ZNF189: variants seen among roughly 807,000 people sequenced by gnomAD.
ZNF189 encodes the protein zinc finger protein 189.
A neutral mutation model predicts 53.5 loss-of-function variants in ZNF189; 33 were observed. That is an observed-to-expected ratio of 0.62 (90% CI 0.47 to 0.82). The LOEUF (loss-of-function observed/expected upper bound fraction) is 0.82. Ranked by LOEUF, ZNF189 falls within the 40% of genes least tolerant of loss-of-function variation. ZNF189 has a pLI of 0.00. For synonymous variants in ZNF189, 247 were observed against 238.8 expected, an observed-to-expected ratio of 1.03 and a Z score of -0.32; for missense variants, 711 against 753.9, an observed-to-expected ratio of 0.94 and a Z score of 0.67.
At chr9:101,399,790 A>C in intron 1 of ZNF189, 94 bp from the exon 2 acceptor site, 1 of 1,573,184 alleles carries the variant, frequency 6.4e-7, no homozygotes, top group Admixed American at 1.9e-5. Flanking sequence ...CTCCTAGCCT[A>C]CTTGGCCACA....
chr9:101,399,732 T>G, intron 1 of ZNF189, 152 bp from the exon 2 acceptor site: 1 of 1,330,824 alleles, frequency 7.5e-7, no homozygotes, highest in Non-Finnish European at 1.0e-6. Flanking sequence ...TCAGTTACAG[T>G]TCGTTCCCAG....
At chr9:101,407,792 C>T in intron 2 of ZNF189, 137 bp from the exon 3 acceptor site, 2 of 856,348 alleles carry the variant, frequency 2.3e-6, no homozygotes, top group African/African-American at 3.5e-5. Flanking sequence ...AGTTTTTTTT[C>T]ATCCTACCCT....
In ZNF189 at chr9:101,408,203, G is replaced by T. The variant is rs753951390; in HGVS notation, c.435G>T (p.Glu145Asp). 3 of 1,614,138 alleles carry T rather than the reference G, an allele frequency of 1.9e-6. No individual in the cohort carries two copies. In the South Asian group the frequency reaches 3.3e-5, roughly 18 times the overall value. The change falls in exon 3 of 3, where the codon GAG becomes GAT. Residue 145 changes from glutamate to aspartate, a missense_variant. Transcript: ENST00000339664. Reference protein sequence around the residue: ...NIIRKRPNSEEKCHKCEECGK... With the variant: ...NIIRKRPNSEDKCHKCEECGK... ...TCCGTAAAAGACCAAACTCAGAAGA[G>T]AAATGCCATAAATGTGAAGAATGTG...
At chr9:101,406,116 G>A (rs1324910359) in intron 2 of ZNF189, among the ~76,000 whole-genome samples, 1 of 151,746 alleles carries the variant, frequency 6.6e-6, no homozygotes, top group Non-Finnish European at 1.5e-5. Flanking sequence ...CTAATGAGAA[G>A]TTTCTCTAGA....
intron 1 of ZNF189, 176 bp downstream of exon 1, chr9:101,399,365 C>T (rs1330064260): frequency 7.2e-6 from 10 of 1,383,774 alleles, no homozygotes; most frequent in Non-Finnish European, 9.3e-6. Context: ...AAACTGCCCA[C>T]TGGCTCCCTT....
rs368122226 is a variant in ZNF189 at position 101,409,219 on chromosome 9, A to T, written c.1451A>T (p.Tyr484Phe). Residue 484 changes from tyrosine (Y) to phenylalanine (F), a missense_variant, in exon 3 of 3, where the codon TAT becomes TTT. Physicochemically the swap from Tyr to Phe is conservative, Grantham distance 22. Coordinates refer to ENST00000339664, the MANE Select transcript of ZNF189 (RefSeq NM_003452.4). ...AGAATCCACACTGGTGAAAAGCCCTATCTATGTACTGTCTGTGGGAAAAGC... is the reference window on the plus strand; with the variant it reads ...AGAATCCACACTGGTGAAAAGCCCTTTCTATGTACTGTCTGTGGGAAAAGC... Reference protein sequence around the residue: ...HQRIHTGEKPYLCTVCGKSFS... With the variant: ...HQRIHTGEKPFLCTVCGKSFS... 4.3e-6 allele frequency: 7 copies of T among 1,613,146 alleles called. No homozygotes were observed. The Admixed American group carries it at 8.3e-5, about 19-fold the overall frequency.
At chr9:101,399,245 C>T in intron 1 of ZNF189, 56 bp downstream of exon 1, 1 of 1,478,504 alleles carries the variant, frequency 6.8e-7, no homozygotes, top group Non-Finnish European at 9.3e-7. Flanking sequence ...CCAGCTAGGC[C>T]GCACCACTGC....
At chr9:101,399,443 C>CT (rs1159770017) in intron 1 of ZNF189, 2 of 1,340,748 alleles carry the variant, frequency 1.5e-6, no homozygotes, top group Admixed American at 7.5e-5. Flanking sequence ...TCCAGACTAG[C>CT]TCTCTCATTT....
chr9:101,401,259 C>T (rs760699047), intron 2 of ZNF189, among the ~76,000 whole-genome samples: 15 of 151,906 alleles, frequency 9.9e-5, no homozygotes, highest in Non-Finnish European at 2.2e-4. Context: ...GCTCACTGCC[C>T]TGTTCTTTTT....
chr9:101,401,792 T>C (rs1166801019), intron 2 of ZNF189, among the ~76,000 whole-genome samples: 3 of 152,250 alleles, frequency 2.0e-5, no homozygotes, highest in African/African-American at 7.2e-5. Context: ...TCTCTATGAA[T>C]ATGTGAAACT....
chr9:101,400,867 C>A (rs1026922019), intron 2 of ZNF189, among the ~76,000 whole-genome samples: 2 of 152,200 alleles, frequency 1.3e-5, no homozygotes, highest in East Asian at 3.9e-4. Flanking sequence ...AACAGACAGG[C>A]TTTCTCCCCT....
At chr9:101,405,341 G>A (rs756941253) in intron 2 of ZNF189, among the ~76,000 whole-genome samples, 7 of 152,180 alleles carry the variant, frequency 4.6e-5, no homozygotes, top group Non-Finnish European at 8.8e-5. Context: ...GATTGTGAGG[G>A]ATGAAAGATA....
chr9:101,408,016 T>A lies in ZNF189; in HGVS notation c.248T>A (p.Ile83Lys). 6.2e-7 allele frequency: 1 copy of A among 1,613,464 alleles called. No homozygotes were observed. The highest frequency in any genetic ancestry group is 1.3e-5 in the African/African-American group (1 of 74,986). Residue 83 changes from isoleucine to lysine, a missense_variant, in exon 3 of 3, where the codon ATA becomes AAA. By Grantham distance (102) the Ile-to-Lys change is moderately radical. Transcript: ENST00000339664. The stretch of plus-strand genomic sequence containing the variant: ...GAAGAAGTGGAACCACAGGGTGTAA[T>A]AGTTACAAGAATCAAAAGTGAAATT... ...IEEEVEPQGV[I>K]VTRIKSEIDQ...
Position 101,408,629 on chromosome 9 carries a change from T to G in ZNF189, c.861T>G (p.Pro287=). The change falls in exon 3 of 3, where the codon CCT becomes CCG. Residue 287 remains proline, a synonymous_variant. Transcript: ENST00000339664. The part of the protein sequence containing the change: ...EHQRTHTGEK[P]YHCTKCKKSF... ...AAAGAACTCACACTGGTGAGAAACC[T>G]TATCACTGTACCAAATGTAAGAAGA... 1 of 1,613,910 alleles carries G rather than the reference T, an allele frequency of 6.2e-7. No individual in the cohort carries two copies. Among genetic ancestry groups the G allele is most frequent in the Non-Finnish European group, 8.5e-7 (1 of 1,179,980 alleles).
chr9:101,399,394 G>C (rs915478773), intron 1 of ZNF189: 3 of 1,375,856 alleles, frequency 2.2e-6, no homozygotes, highest in Non-Finnish European at 2.8e-6. Flanking sequence ...TCTTTTTCTA[G>C]AGAGACTTGA....
rs531485583 is a variant in ZNF189, at chr9:101,409,223, A to G, written c.1455A>G (p.Leu485=). The part of the protein sequence containing the change: ...QRIHTGEKPY[L]CTVCGKSFSR... ...TCCACACTGGTGAAAAGCCCTATCT[A>G]TGTACTGTCTGTGGGAAAAGCTTCA... Residue 485 remains leucine, a synonymous_variant, in exon 3 of 3, where the codon CTA becomes CTG. Coordinates refer to ENST00000339664, the MANE Select transcript of ZNF189 (RefSeq NM_003452.4). 4.3e-6 allele frequency: 7 copies of G among 1,613,168 alleles called. No homozygotes were observed. Among genetic ancestry groups the G allele is most frequent in the African/African-American group, 4.0e-5 (3 of 74,946 alleles).
At chr9:101,400,370 C>T (rs1034816560) in intron 2 of ZNF189, among the ~76,000 whole-genome samples, 12 of 152,114 alleles carry the variant, frequency 7.9e-5, no homozygotes, top group Non-Finnish European at 1.5e-4. Context: ...TGGCACTATC[C>T]CAAGGACAAC....
chr9:101,405,182 G>C (rs987710621), intron 2 of ZNF189, among the ~76,000 whole-genome samples: 1 of 152,120 alleles, frequency 6.6e-6, no homozygotes, highest in Non-Finnish European at 1.5e-5. Context: ...AGCTTGATTC[G>C]ATCTTAAAGG....
intron 2 of ZNF189, among the ~76,000 whole-genome samples, 191 bp downstream of exon 2, chr9:101,400,201 C>A (rs1436077842): frequency 1.3e-5 from 2 of 152,198 alleles, no homozygotes; most frequent in Admixed American, 1.3e-4. Context: ...GCAAGCCTTT[C>A]GGGCATCCTG....
Sources: allele counts gnomAD v4.1 joint callset (sites outside exome capture counted in the v4.1 genomes callset), GRCh38; gene constraint gnomAD v4.1.1; transcripts MANE v1.5; gene names NCBI Gene and HGNC (gene_info 2026-07-23, HGNC 2026-07-21).